Variants in SCAF4 observed in about 807,000 individuals in gnomAD.
The protein encoded by SCAF4 is SR-related and CTD-associated factor 4.
In SCAF4, 25 loss-of-function variants were observed where a neutral mutation model predicts 129.8. The ratio of observed to expected loss-of-function variants is 0.19; its 90% CI spans 0.14 to 0.27. The LOEUF is 0.27. Among genes scored for constraint, SCAF4 ranks in the 10% least tolerant of loss-of-function variants. The pLI is 1.00. For synonymous variants in SCAF4, 551 were observed against 497.7 expected (o/e 1.11, Z -1.43); for missense variants, 1,246 against 1,457.1 (o/e 0.86, Z 2.36).
In SCAF4 at chr21:31,694,186, A is replaced by C. The variant is rs2050326677; in HGVS notation, c.1322+18T>G. On this transcript the variant is annotated intron_variant, in intron 11 of 19. Transcript: ENST00000286835. Reference sequence around the variant, plus strand: ...CCTAAGATATACAGGGTTGGAAAAAACATTTTCTATAAATTACCTGGATGC... The same window carrying C: ...CCTAAGATATACAGGGTTGGAAAAACCATTTTCTATAAATTACCTGGATGC... 6.6e-7 allele frequency: 1 copy of C among 1,511,908 alleles called. No homozygotes were observed. 93.7% of individuals were successfully genotyped at this position (1,511,908 alleles called of 1,614,324 possible).
At chr21:31,684,263 A>T (rs1190604009) in intron 19 of SCAF4, 1 of 153,300 alleles carries the variant, frequency 6.5e-6, no homozygotes, top group Non-Finnish European at 1.5e-5. Flanking sequence ...ACTTCCAGTT[A>T]GGGGATTCAA....
At chr21:31,690,327 A>C (rs1229593394) in intron 15 of SCAF4, among the ~76,000 whole-genome samples, 1 of 150,682 alleles carries the variant, frequency 6.6e-6, no homozygotes, top group East Asian at 2.0e-4. Flanking sequence ...TCTATTGAAA[A>C]TGCAAAAATT....
At chr21:31,728,216 A>T (rs947441312) in intron 1 of SCAF4, among the ~76,000 whole-genome samples, 2 of 152,174 alleles carry the variant, frequency 1.3e-5, no homozygotes, top group African/African-American at 4.8e-5. Flanking sequence ...TACTAACTAA[A>T]GCTAAAGACT....
At chr21:31,685,755 T>C in intron 16 of SCAF4, 22 bp from the exon 17 acceptor site, 2 of 1,550,406 alleles carry the variant, frequency 1.3e-6, no homozygotes, top group South Asian at 2.5e-5. Flanking sequence ...GATAAAAGAA[T>C]AAACCACCTA....
At position 31,731,788 on chromosome 21, in the gene SCAF4, C is replaced by CG. The variant is rs2051368284; in HGVS notation, c.-97dup. 1.5e-6 allele frequency: 2 copies of CG among 1,368,970 alleles called. No homozygotes were observed. The highest frequency in any genetic ancestry group is 1.9e-6 in the Non-Finnish European group (2 of 1,044,122). 84.8% of individuals were successfully genotyped at this position (1,368,970 alleles called of 1,614,324 possible). On this transcript the variant is annotated 5_prime_UTR_variant, in exon 1 of 20. Transcript: ENST00000286835. ...TGGGAAACCAGCCGGGCCTGGTGGC[C>CG]GGGGGGAGGCGACGAGCGGCGGAGT...
rs1189124636 is a variant in SCAF4, at chr21:31,702,283, T to C, written c.418A>G (p.Asn140Asp). ...ACATTTTCTGCTACTGGGGCTGCAT[T>C]ACTGGTTCCCGCTGCCATGTCCAAA... ...PLLDMAAGTS[N>D]AAPVAENVTN... The change falls in exon 5 of 20, where the codon AAT (asparagine) becomes GAT (aspartate). Residue 140 changes from asparagine (N) to aspartate (D), a missense_variant. Asn to Asp is a conservative substitution (Grantham distance 23). Coordinates refer to ENST00000286835, the MANE Select transcript of SCAF4 (RefSeq NM_020706.2). 1 of 1,614,050 alleles carries C rather than the reference T, an allele frequency of 6.2e-7. No homozygotes were observed. Among genetic ancestry groups the C allele is most frequent in the African/African-American group, 1.3e-5 (1 of 74,936 alleles).
At chr21:31,701,246 A>G in intron 6 of SCAF4, 75 bp from the exon 7 acceptor site, 1 of 1,360,012 alleles carries the variant, frequency 7.4e-7, no homozygotes, top group Non-Finnish European at 9.9e-7. Flanking sequence ...TAATAAAAAA[A>G]TGTCTTAAAG....
chr21:31,685,491 T>A lies in SCAF4; in HGVS notation c.2210-7A>T, dbSNP rs541723538. 6.2e-7 allele frequency: 1 copy of A among 1,613,040 alleles called. No individual in the cohort carries two copies. The highest frequency in any genetic ancestry group is 1.1e-5 in the South Asian group (1 of 90,988). On this transcript the variant is annotated splice_polypyrimidine_tract_variant and splice_region_variant and intron_variant, in intron 17 of 19. Transcript: ENST00000286835. Reference sequence around the variant, plus strand: ...GGTCCAGGAGGCAGAAAACCTAGAATAAGAAAAATAATGTCAACTTATGCT... The same window carrying A: ...GGTCCAGGAGGCAGAAAACCTAGAAAAAGAAAAATAATGTCAACTTATGCT...
In SCAF4 at chr21:31,690,811, T is replaced by G; in HGVS notation, c.1871A>C (p.Asp624Ala). The G allele has an allele frequency of 6.2e-7, 1 of 1,613,194 alleles. No individual in the cohort carries two copies. The highest frequency in any genetic ancestry group is 8.5e-7 in the Non-Finnish European group (1 of 1,179,612). ...SFCEGGMLDSDTLNPDWKGIP... is the reference protein window; with the variant it reads ...SFCEGGMLDSATLNPDWKGIP... ...TACTGCTTTACCTGGGTTAAGTGTGTCACTGTCCAACATTCCTCCTTCACA... is the reference window on the plus strand; with the variant it reads ...TACTGCTTTACCTGGGTTAAGTGTGGCACTGTCCAACATTCCTCCTTCACA... Residue 624 changes from aspartate (D) to alanine (A), a missense_variant, in exon 15 of 20, where the codon GAC becomes GCC. Around this residue, in one of 6 missense-constraint regions of SCAF4, gnomAD observed 468 missense variants for 605.5 expected, o/e 0.77. Coordinates refer to ENST00000286835, the MANE Select transcript of SCAF4 (RefSeq NM_020706.2).
At position 31,693,289 on chromosome 21, in the gene SCAF4, G is replaced by C; in HGVS notation, c.1513+5C>G. 1.4e-6 allele frequency: 2 copies of C among 1,457,366 alleles called. No homozygotes were observed. Among genetic ancestry groups the C allele is most frequent in the Admixed American group, 4.3e-5 (2 of 46,940 alleles). The allele number at this position is 1,457,366 out of a possible 1,614,324, so 90.3% of individuals were successfully genotyped here. On this transcript the variant is annotated splice_donor_5th_base_variant and intron_variant, in intron 12 of 19. Transcript: ENST00000286835. ...CATGAGGTTTGAATATAAAGGTTGAGTTACCACTTGCAGTTTCCGGTTTCA... is the reference window on the plus strand; with the variant it reads ...CATGAGGTTTGAATATAAAGGTTGACTTACCACTTGCAGTTTCCGGTTTCA...
intron 1 of SCAF4, among the ~76,000 whole-genome samples, chr21:31,718,351 T>C (rs1444084558): frequency 6.6e-6 from 1 of 152,230 alleles, no homozygotes; most frequent in African/African-American, 2.4e-5. Context: ...CTCAAACCTT[T>C]TGAAACCTAA....
At chr21:31,718,956 G>T (rs1386695978) in intron 1 of SCAF4, among the ~76,000 whole-genome samples, 1 of 152,042 alleles carries the variant, frequency 6.6e-6, no homozygotes, top group Admixed American at 6.5e-5. Context: ...CCATTTTTAG[G>T]TTAACTACTT....
intron 14 of SCAF4, among the ~76,000 whole-genome samples, chr21:31,691,353 G>A (rs1238991750): frequency 3.3e-5 from 5 of 152,120 alleles, no homozygotes; most frequent in South Asian, 4.1e-4. Context: ...GCAATCCAGC[G>A]GTAGAATGGG....
At chr21:31,688,915 C>T (rs904301639) in intron 15 of SCAF4, among the ~76,000 whole-genome samples, 5 of 152,150 alleles carry the variant, frequency 3.3e-5, no homozygotes, top group African/African-American at 1.2e-4. Context: ...GAACACATTT[C>T]ACTAATATTA....
At chr21:31,678,248 G>A (rs981425936) in intron 19 of SCAF4, among the ~76,000 whole-genome samples, 2 of 152,058 alleles carry the variant, frequency 1.3e-5, no homozygotes, top group African/African-American at 4.8e-5. Context: ...ACAGATTTGC[G>A]CATCACAGGA....
chr21:31,671,361 AG>A lies in SCAF4; in HGVS notation c.*37del, dbSNP rs765201101. 72 of 1,593,174 alleles carry A rather than the reference AG, an allele frequency of 4.5e-5. No homozygotes were observed. The highest frequency in any genetic ancestry group is 2.4e-4 in the South Asian group (21 of 87,072). ...CTGTACACCTCAAGCTCTACACTCCAGGAAGTGTCACTGTCACATTTTCACA... is the reference window on the plus strand; with the variant it reads ...CTGTACACCTCAAGCTCTACACTCCAGAAGTGTCACTGTCACATTTTCACA... On this transcript the variant is annotated 3_prime_UTR_variant, in exon 20 of 20. Coordinates refer to ENST00000286835, the MANE Select transcript of SCAF4 (RefSeq NM_020706.2).
intron 19 of SCAF4, among the ~76,000 whole-genome samples, chr21:31,682,884 T>C (rs375889292): frequency 9.8e-5 from 15 of 152,356 alleles, no homozygotes; most frequent in African/African-American, 2.6e-4. Context: ...TAGTCTTAGA[T>C]GAACCCTTCT....
chr21:31,682,079 G>T (rs1170469750), intron 19 of SCAF4, among the ~76,000 whole-genome samples: 1 of 152,106 alleles, frequency 6.6e-6, no homozygotes, highest in Non-Finnish European at 1.5e-5. Context: ...GTAAATTTAT[G>T]ATCTAATCTA....
chr21:31,685,331 G>A (rs2050092866), intron 18 of SCAF4, 67 bp downstream of exon 18: 13 of 1,504,294 alleles, frequency 8.6e-6, no homozygotes, highest in East Asian at 2.3e-5. Context: ...TCCTATTACC[G>A]CTTCACTCTC....
Sources: allele counts gnomAD v4.1 joint callset (sites outside exome capture counted in the v4.1 genomes callset), GRCh38; gene constraint gnomAD v4.1.1; regional missense constraint gnomAD v4.1.1; transcripts MANE v1.5; gene names NCBI Gene and HGNC (gene_info 2026-07-23, HGNC 2026-07-21).